MAPT: variants seen among roughly 807,000 people sequenced by gnomAD.
The protein encoded by MAPT is microtubule associated protein tau, also known as microtubule-associated protein tau.
MAPT carries 34 observed loss-of-function variants against 67.9 expected under a neutral mutation model. That is an observed-to-expected ratio of 0.50 (90% CI 0.38 to 0.67). The LOEUF is 0.67. Ranked by LOEUF, MAPT falls within the 30% of genes least tolerant of loss-of-function variation. MAPT has a pLI of 0.00. For missense variants in MAPT, 881 were observed against 1,115.2 expected (o/e 0.79, Z 2.99); for synonymous variants, 456 against 464.5 (o/e 0.98, Z 0.23).
Position 45,942,606 on chromosome 17 carries a change from G to A in MAPT, c.-17-19715G>A, listed in dbSNP as rs185261932. ...TCTCCAAATTCAGACGGGAGCTGGG[G>A]CACTATTATAATGCAAATCTAGGCA... On this transcript the variant is annotated intron_variant, in intron 1 of 12. Transcript: ENST00000262410. Among the ~76,000 whole-genome samples the A allele has an allele frequency of 1.5e-3, 221 of 152,334 alleles. 1 individual carries two copies. The highest frequency in any genetic ancestry group is 5.2e-3 in the African/African-American group (216 of 41,572).
At chr17:46,011,409 A>G (rs771270379) in intron 10 of MAPT, among the ~76,000 whole-genome samples, 1 of 152,178 alleles carries the variant, frequency 6.6e-6, no homozygotes, top group African/African-American at 2.4e-5. Context: ...AAACAATCAT[A>G]TAATAATTTT....
intron 1 of MAPT, among the ~76,000 whole-genome samples, chr17:45,956,780 T>G (rs1041930950): frequency 1.3e-5 from 2 of 149,872 alleles, no homozygotes; most frequent in African/African-American, 4.9e-5. Flanking sequence ...CAGTGTGTGA[T>G]GTTCCCCTTC....
intron 4 of MAPT, among the ~76,000 whole-genome samples, chr17:45,980,894 A>G (rs1406500694): frequency 6.6e-6 from 1 of 152,116 alleles, no homozygotes. Context: ...GGGCTCCCAT[A>G]AGGCACCTGC....
At chr17:46,014,445 A>C in intron 11 of MAPT, 121 bp downstream of exon 11, 1 of 767,114 alleles carries the variant, frequency 1.3e-6, no homozygotes, top group Non-Finnish European at 2.3e-6. Context: ...GTAGACCTAC[A>C]TCAAGGAAAG....
Position 46,024,261 on chromosome 17 carries a change from G to A in MAPT, c.*90G>A. The A allele has an allele frequency of 8.7e-7, 1 of 1,147,036 alleles. No homozygotes were observed. The highest frequency in any genetic ancestry group is 2.5e-5 in the East Asian group (1 of 40,042). 71.1% of individuals were successfully genotyped at this position (1,147,036 alleles called of 1,614,324 possible). On this transcript the variant is annotated 3_prime_UTR_variant, in exon 13 of 13. Coordinates refer to ENST00000262410, the MANE Select transcript of MAPT (RefSeq NM_001377265.1). The stretch of plus-strand genomic sequence containing the variant: ...AATAATGACCCGGCCCCCGCCCTCT[G>A]CCCCCAGCTGCTCCTCGCAGTTCGG...
In MAPT at chr17:45,995,530, G is replaced by A. The variant is rs888173468; in HGVS notation, c.1733-869G>A. Among the ~76,000 whole-genome samples the A allele has an allele frequency of 1.2e-4, 18 of 152,118 alleles. No individual in the cohort carries two copies. The highest frequency in any genetic ancestry group is 3.8e-4 in the East Asian group (2 of 5,202). ...GAATACCAGACTGTTGAAGTGTAACGGGGGCCTGGGAAGTGCAGTAACAGA... is the reference window on the plus strand; with the variant it reads ...GAATACCAGACTGTTGAAGTGTAACAGGGGCCTGGGAAGTGCAGTAACAGA... On this transcript the variant is annotated intron_variant, in intron 8 of 12. Transcript: ENST00000262410. This position sits in a 1 kb window ranked among gnomAD's most constrained non-coding sequence, Gnocchi z 4.3.
intron 4 of MAPT, among the ~76,000 whole-genome samples, chr17:45,982,536 G>A (rs2073078533): frequency 6.6e-6 from 1 of 152,148 alleles, no homozygotes. Context: ...CATGCTCTGT[G>A]CCCAACCAGA....
intron 1 of MAPT, chr17:45,931,745 C>T (rs575458537): frequency 6.6e-6 from 1 of 152,128 alleles, no homozygotes; most frequent in Non-Finnish European, 1.5e-5. Flanking sequence ...AAAAATATTA[C>T]AGTTTGTGGT....
At chr17:45,972,217 T>C in intron 3 of MAPT, 5 of 626,846 alleles carry the variant, frequency 8.0e-6, no homozygotes, top group South Asian at 1.5e-5. Flanking sequence ...CTCCATACGA[T>C]TGTCCTCCCA....
At chr17:45,991,314 G>A in intron 7 of MAPT, 146 bp from the exon 8 acceptor site, 1 of 960,534 alleles carries the variant, frequency 1.0e-6, no homozygotes, top group Non-Finnish European at 1.6e-6. Context: ...GGTTGTAGCA[G>A]ACACTAGTGG....
At chr17:45,899,640 C>T (rs567414537) in intron 1 of MAPT, among the ~76,000 whole-genome samples, 1 of 152,308 alleles carries the variant, frequency 6.6e-6, no homozygotes, top group East Asian at 1.9e-4. Context: ...TGATCTATAA[C>T]ATTGACCCAG....
intron 1 of MAPT, among the ~76,000 whole-genome samples, chr17:45,921,958 G>C (rs1037931501): frequency 6.6e-6 from 1 of 151,960 alleles, no homozygotes; most frequent in African/African-American, 2.4e-5. Flanking sequence ...TTGAGTCACA[G>C]ATTCTCCCTG....
Position 45,962,353 on chromosome 17 carries a change from CAGG to C in MAPT, c.19_21del (p.Glu7del). On this transcript the variant is annotated inframe_deletion, in exon 2 of 13. Coordinates refer to ENST00000262410, the MANE Select transcript of MAPT (RefSeq NM_001377265.1). ...TTGAACCAGGATGGCTGAGCCCCGCCAGGAGTTCGAAGTGATGGAAGATCACGC... is the reference window on the plus strand; with the variant it reads ...TTGAACCAGGATGGCTGAGCCCCGCCAGTTCGAAGTGATGGAAGATCACGC... 6.2e-7 allele frequency: 1 copy of C among 1,612,086 alleles called. No homozygotes were observed. Among genetic ancestry groups the C allele is most frequent in the Non-Finnish European group, 8.5e-7 (1 of 1,179,856 alleles).
intron 5 of MAPT, 63 bp from the exon 6 acceptor site, chr17:45,986,977 G>C: frequency 6.9e-7 from 1 of 1,458,074 alleles, no homozygotes; most frequent in Non-Finnish European, 9.6e-7. Context: ...CTTCACCACA[G>C]CTGGCTTTCT....
intron 1 of MAPT, among the ~76,000 whole-genome samples, chr17:45,904,597 C>T (rs2064168667): frequency 6.7e-6 from 1 of 150,306 alleles, no homozygotes; most frequent in African/African-American, 2.5e-5. Context: ...GAGGCCGAAG[C>T]AGGAGGATCG....
chr17:45,943,470 G>C, intron 1 of MAPT, among the ~76,000 whole-genome samples: 1 of 152,180 alleles, frequency 6.6e-6, no homozygotes, highest in East Asian at 1.9e-4. Flanking sequence ...CAACAGAATT[G>C]CCATCCTCTT....
At chr17:45,985,508 GA>G (rs556995082) in intron 5 of MAPT, 2 of 181,790 alleles carry the variant, frequency 1.1e-5, no homozygotes, top group South Asian at 1.9e-4. Context: ...GTGACTGGGG[GA>G]AAAAAATAAA....
chr17:45,927,131 A>T lies in MAPT; in HGVS notation c.-18+32445A>T, dbSNP rs145484611. On this transcript the variant is annotated intron_variant, in intron 1 of 12. Transcript: ENST00000262410. Reference sequence around the variant, plus strand: ...ATGGTATTTATTGTATTATTTGTGCAACTTTTCTTAAGTTTGAAAATTTTC... The same window carrying T: ...ATGGTATTTATTGTATTATTTGTGCTACTTTTCTTAAGTTTGAAAATTTTC... Among the ~76,000 whole-genome samples the T allele has an allele frequency of 1.9e-3, 291 of 152,144 alleles. 2 individuals are homozygous for T. The highest frequency in any genetic ancestry group is 3.4e-3 in the Non-Finnish European group (228 of 68,014).
chr17:45,897,187 G>A lies in MAPT; in HGVS notation c.-18+2501G>A, dbSNP rs1200542335. 6.6e-6 allele frequency: 1 copy of A among 152,220 alleles called. No homozygotes were observed. Among genetic ancestry groups the A allele is most frequent in the African/African-American group, 2.4e-5 (1 of 41,452 alleles). The allele number at this position is 152,220 out of a possible 1,614,324, so 9.4% of individuals were successfully genotyped here. A position where few individuals can be genotyped will look rare whatever the true frequency, so the allele number is the denominator to read the frequency against. The stretch of plus-strand genomic sequence containing the variant: ...CGCCCCCAGACAGAGCTGGGCGCGG[G>A]GTTCCCCTTCCAGATGGAGCGAGGG... On this transcript the variant is annotated intron_variant, in intron 1 of 12. Transcript: ENST00000262410. The surrounding 1 kb of genome is among the most constrained non-coding windows in gnomAD (Gnocchi z 5.0).
Sources: allele counts gnomAD v4.1 joint callset (sites outside exome capture counted in the v4.1 genomes callset), GRCh38; gene constraint gnomAD v4.1.1; non-coding constraint Gnocchi (gnomAD v3.1); transcripts MANE v1.5; gene names NCBI Gene and HGNC (gene_info 2026-07-23, HGNC 2026-07-21).